RABGEF1: variants seen among roughly 807,000 people sequenced by gnomAD.
The protein encoded by RABGEF1 is RAB guanine nucleotide exchange factor 1, also known as rab5 GDP/GTP exchange factor.
A neutral mutation model predicts 57.3 loss-of-function variants in RABGEF1; 26 were observed. That is an observed-to-expected ratio of 0.45 (90% CI 0.33 to 0.63). The LOEUF is 0.63. Among genes scored for constraint, RABGEF1 ranks in the 20% least tolerant of loss-of-function variants. The pLI is 0.02. For synonymous variants in RABGEF1, 185 were observed against 210.7 expected (o/e 0.88, Z 1.06); for missense variants, 464 against 607.6 (o/e 0.76, Z 2.48).
intron 2 of RABGEF1, among the ~76,000 whole-genome samples, chr7:66,723,502 G>A (rs1796267739): frequency 1.3e-5 from 2 of 152,232 alleles, no homozygotes; most frequent in East Asian, 3.9e-4. Context: ...TTGTAGTCAT[G>A]CATTTTACAC....
At chr7:66,743,158 A>G (rs188662285) in intron 1 of RABGEF1, among the ~76,000 whole-genome samples, 4 of 152,068 alleles carry the variant, frequency 2.6e-5, no homozygotes, top group Non-Finnish European at 5.9e-5. Context: ...AAACACTAAA[A>G]TTAGCTTGGT....
chr7:66,807,131 C>CA (rs1004046011), intron 8 of RABGEF1, among the ~76,000 whole-genome samples: 2 of 152,212 alleles, frequency 1.3e-5, no homozygotes, highest in Non-Finnish European at 2.9e-5. Context: ...CGGTCACTGA[C>CA]AGTAGAGGTG....
In RABGEF1 at chr7:66,783,693, C is replaced by T. The variant is rs751175425; in HGVS notation, c.365C>T (p.Ala122Val). 4 of 1,607,876 alleles carry T rather than the reference C, an allele frequency of 2.5e-6. No individual in the cohort carries two copies. Among genetic ancestry groups the T allele is most frequent in the South Asian group, 2.2e-5 (2 of 89,868 alleles). ...GSKKEIQEAK[A>V]PSPSINRQTS... ...CCAGCAGAAATTCAGGAAGCAAAAG[C>T]TCCCAGTCCTTCCATAAACCGGCAA... Residue 122 changes from alanine (A) to valine (V), a missense_variant, in exon 4 of 9, where the codon GCT (alanine) becomes GTT (valine). This residue lies in a region of RABGEF1 where 284 missense variants were observed against 389.9 expected (regional missense o/e 0.73). Coordinates refer to ENST00000284957, the MANE Select transcript of RABGEF1 (RefSeq NM_014504.3).
intron 2 of RABGEF1, among the ~76,000 whole-genome samples, chr7:66,716,399 A>G (rs1795398935): frequency 6.6e-6 from 1 of 152,180 alleles, no homozygotes; most frequent in Non-Finnish European, 1.5e-5. Context: ...CAGGAGTTTG[A>G]GACCAGCCTG....
intron 2 of RABGEF1, among the ~76,000 whole-genome samples, chr7:66,721,982 C>T (rs995557163): frequency 3.3e-5 from 5 of 151,966 alleles, no homozygotes; most frequent in South Asian, 2.1e-4. Flanking sequence ...TGAGACCCCC[C>T]CTCCGTCTTT....
chr7:66,731,784 C>T (rs1007075134), intron 2 of RABGEF1, among the ~76,000 whole-genome samples: 2 of 152,180 alleles, frequency 1.3e-5, no homozygotes, highest in Non-Finnish European at 2.9e-5. Flanking sequence ...TCATGCCTGC[C>T]TCACCTTCAT....
At chr7:66,662,926 A>C in the RABGEF1 span, among the ~76,000 whole-genome samples, 1 of 142,812 alleles carries the variant, frequency 7.0e-6, no homozygotes, top group Non-Finnish European at 1.5e-5. Context: ...GTTTGCAGGC[A>C]TGCATGTGCA....
upstream of RABGEF1, among the ~76,000 whole-genome samples, chr7:66,680,873 C>T (rs1474746067): frequency 6.6e-6 from 1 of 152,070 alleles, no homozygotes; most frequent in Non-Finnish European, 1.5e-5. Context: ...CTTGAGGTCA[C>T]GATTCCAAAC....
upstream of RABGEF1, among the ~76,000 whole-genome samples, chr7:66,737,068 G>T (rs894993020): frequency 1.7e-5 from 2 of 116,808 alleles, no homozygotes; most frequent in Admixed American, 9.1e-5. Flanking sequence ...GAGAGAGAGA[G>T]AGAGTGAGAG....
intron 2 of RABGEF1, among the ~76,000 whole-genome samples, chr7:66,720,240 C>T (rs1227200995): frequency 1.4e-4 from 21 of 147,264 alleles, no homozygotes; most frequent in East Asian, 5.9e-4. Context: ...TTCCATTGCC[C>T]GGGTTGGAGT....
At chr7:66,808,811 C>A in intron 8 of RABGEF1, 75 bp from the exon 9 acceptor site, 1 of 1,380,388 alleles carries the variant, frequency 7.2e-7, no homozygotes, top group South Asian at 1.4e-5. Flanking sequence ...GGTCTGTGAT[C>A]AAAAGATTTT....
intron 2 of RABGEF1, among the ~76,000 whole-genome samples, chr7:66,734,014 AAAC>A (rs1195872159): frequency 5.9e-5 from 9 of 152,144 alleles, no homozygotes; most frequent in Non-Finnish European, 1.3e-4. Flanking sequence ...CAAAAACAAA[AAAC>A]AAAAAAAACC....
At chr7:66,779,782 T>A (rs2129133866) in intron 3 of RABGEF1, among the ~76,000 whole-genome samples, 1 of 152,286 alleles carries the variant, frequency 6.6e-6, no homozygotes, top group South Asian at 2.1e-4. Flanking sequence ...ATGAGGTTGT[T>A]CTTTTCCATA....
At chr7:66,731,380 G>A (rs1181631166) in intron 2 of RABGEF1, among the ~76,000 whole-genome samples, 1 of 152,162 alleles carries the variant, frequency 6.6e-6, no homozygotes, top group African/African-American at 2.4e-5. Context: ...AAGGCACCGT[G>A]TGGGGTTGAG....
intron 1 of RABGEF1, among the ~76,000 whole-genome samples, chr7:66,710,172 A>G (rs1258522489): frequency 6.6e-6 from 1 of 152,228 alleles, no homozygotes. Context: ...TTCATTCAGC[A>G]TAATTGTTCT....
chr7:66,715,342 G>A (rs1434982818), intron 2 of RABGEF1, among the ~76,000 whole-genome samples: 1 of 152,086 alleles, frequency 6.6e-6, no homozygotes. Context: ...TGTTACCTAG[G>A]CTAATCTTGA....
At chr7:66,694,089 G>A (rs1419200637) in intron 1 of RABGEF1, among the ~76,000 whole-genome samples, 12 of 152,216 alleles carry the variant, frequency 7.9e-5, no homozygotes, top group Admixed American at 7.9e-4. Context: ...GATTACAGGC[G>A]TGAGCCACTG....
the RABGEF1 span, among the ~76,000 whole-genome samples, chr7:66,662,747 A>T: frequency 1.3e-5 from 2 of 150,056 alleles, no homozygotes; most frequent in Non-Finnish European, 2.9e-5. Flanking sequence ...GTGTGCAGGC[A>T]CGTGTGTGCA....
the RABGEF1 span, among the ~76,000 whole-genome samples, chr7:66,676,264 CAG>C: frequency 1.3e-5 from 2 of 151,888 alleles, no homozygotes; most frequent in African/African-American, 4.8e-5. Flanking sequence ...GCCTGGGTGA[CAG>C]AGCGAGACTT....
Sources: gnomAD v4.1 joint callset for allele counts (sites outside exome capture counted in the v4.1 genomes callset) on GRCh38, gnomAD v4.1.1 for gene constraint, gnomAD v4.1.1 regional missense constraint, MANE v1.5 for transcripts, NCBI Gene and HGNC (gene_info 2026-07-23, HGNC 2026-07-21) for gene names.